Variants in CLSTN1 observed in about 807,000 individuals in gnomAD.
CLSTN1 encodes the protein calsyntenin-1.
Under a neutral mutation model 108.3 loss-of-function variants are expected in CLSTN1, and 28 were observed. The observed-to-expected ratio is 0.26, with a 90% CI of 0.19 to 0.35. The LOEUF (loss-of-function observed/expected upper bound fraction) is 0.35. Ranked by LOEUF, CLSTN1 falls within the 10% of genes least tolerant of loss-of-function variation. The pLI, the probability that CLSTN1 is intolerant of heterozygous loss-of-function variation, is 1.00. For synonymous variants in CLSTN1, 524 were observed against 534.9 expected, an observed-to-expected ratio of 0.98 and a Z score of 0.28; for missense variants, 1,157 against 1,302.6, an observed-to-expected ratio of 0.89 and a Z score of 1.72.
At chr1:9,756,976 C>T (rs1358773637) in intron 2 of CLSTN1, among the ~76,000 whole-genome samples, 1 of 151,716 alleles carries the variant, frequency 6.6e-6, no homozygotes, top group African/African-American at 2.4e-5. Flanking sequence ...GACAGGGTAT[C>T]ACCATGTTAG....
At chr1:9,769,824 C>T (rs1446464167) in intron 2 of CLSTN1, among the ~76,000 whole-genome samples, 4 of 151,926 alleles carry the variant, frequency 2.6e-5, no homozygotes, top group Admixed American at 1.3e-4. Context: ...AGGCAGATCA[C>T]GAGGTCAGGA....
intron 1 of CLSTN1, among the ~76,000 whole-genome samples, chr1:9,803,739 G>A (rs1356223634): frequency 1.3e-5 from 2 of 152,022 alleles, no homozygotes; most frequent in South Asian, 2.1e-4. Flanking sequence ...GGAGGTGAAG[G>A]CTGCAGTGAG....
chr1:9,797,651 A>T (rs984655854), intron 1 of CLSTN1, among the ~76,000 whole-genome samples: 13 of 152,012 alleles, frequency 8.6e-5, no homozygotes, highest in Non-Finnish European at 1.3e-4. Context: ...AAAAGAAGAG[A>T]AGAGAAGGCT....
At position 9,734,588 on chromosome 1, in the gene CLSTN1, A is replaced by G. The variant is rs77951881; in HGVS notation, c.2110+360T>C. On this transcript the variant is annotated intron_variant, in intron 14 of 18. Transcript: ENST00000377298. The surrounding 1 kb of genome is among the most constrained non-coding windows in gnomAD (Gnocchi z 4.8). The stretch of plus-strand genomic sequence containing the variant: ...AGACTCCATCTCAAAAAAAAAAAAA[A>G]AGGGGGGGAGTTTCATGTGTCCTGA... Among the ~76,000 whole-genome samples the G allele has an allele frequency of 2.4e-4, 37 of 151,304 alleles. No homozygotes were observed. Among genetic ancestry groups the G allele is most frequent in the African/African-American group, 7.5e-4 (31 of 41,288 alleles).
chr1:9,812,613 G>A (rs111515093), intron 1 of CLSTN1, among the ~76,000 whole-genome samples: 2,771 of 152,210 alleles, frequency 0.018, 82 homozygotes, highest in African/African-American at 0.063. Context: ...TTGGGAGGCC[G>A]AGGCGGGCAG....
chr1:9,792,429 T>TATA (rs1553181562), intron 1 of CLSTN1, among the ~76,000 whole-genome samples: 1 of 151,454 alleles, frequency 6.6e-6, no homozygotes, highest in Non-Finnish European at 1.5e-5. Flanking sequence ...GCAAAGGCTT[T>TATA]AGCACAATCC....
At chr1:9,788,399 C>G (rs765872902) in intron 1 of CLSTN1, among the ~76,000 whole-genome samples, 2 of 150,728 alleles carry the variant, frequency 1.3e-5, no homozygotes, top group Non-Finnish European at 2.9e-5. Context: ...GGTGAAACCC[C>G]ATCTCTACTA....
In CLSTN1 at chr1:9,815,358, G is replaced by A. The variant is rs1468516853; in HGVS notation, c.91+8285C>T. On this transcript the variant is annotated intron_variant, in intron 1 of 18. Transcript: ENST00000377298. Reference sequence around the variant, plus strand: ...GAGGAAATGTCTGTTTTACAGGGAAGGCTATTTAAAGTATAGAGGAAAGAA... The same window carrying A: ...GAGGAAATGTCTGTTTTACAGGGAAAGCTATTTAAAGTATAGAGGAAAGAA... 2.6e-5 allele frequency among the ~76,000 whole-genome samples: 4 copies of A among 152,162 alleles called. 1 individual carries two copies. The highest frequency in any genetic ancestry group is 4.1e-4 in the South Asian group (2 of 4,824).
At chr1:9,740,244 G>A (rs1391067783) in intron 10 of CLSTN1, among the ~76,000 whole-genome samples, 1 of 151,926 alleles carries the variant, frequency 6.6e-6, no homozygotes, top group Non-Finnish European at 1.5e-5. Context: ...ATATTTAGTA[G>A]AGATGGGGTT....
intron 9 of CLSTN1, among the ~76,000 whole-genome samples, chr1:9,743,229 G>A (rs1050633214): frequency 6.6e-6 from 1 of 152,134 alleles, no homozygotes; most frequent in Admixed American, 6.6e-5. Flanking sequence ...GTAGCACGTG[G>A]GGTTTTTCAC....
At chr1:9,757,314 T>TC (rs1651864287) in intron 2 of CLSTN1, among the ~76,000 whole-genome samples, 1 of 150,414 alleles carries the variant, frequency 6.6e-6, no homozygotes, top group African/African-American at 2.4e-5. Context: ...TGATCTCGGC[T>TC]CACTGCAAGC....
chr1:9,732,598 G>A (rs768953534), intron 16 of CLSTN1, among the ~76,000 whole-genome samples: 3 of 152,222 alleles, frequency 2.0e-5, no homozygotes, highest in Non-Finnish European at 2.9e-5. Context: ...TGAGTTCATG[G>A]TGATATTCCA....
At chr1:9,770,526 C>G (rs916057461) in intron 2 of CLSTN1, among the ~76,000 whole-genome samples, 6 of 152,238 alleles carry the variant, frequency 3.9e-5, no homozygotes, top group African/African-American at 7.2e-5. Context: ...CTCTGCACCC[C>G]CCGACCAGCT....
chr1:9,743,894 T>G lies in CLSTN1; in HGVS notation c.1346A>C (p.Lys449Thr), dbSNP rs759387434. 2 of 1,614,032 alleles carry G rather than the reference T, an allele frequency of 1.2e-6. No homozygotes were observed. The highest frequency in any genetic ancestry group is 3.3e-5 in the Admixed American group (2 of 59,994). ...KKYRPAEFHW[K>T]LNQVCDEEWH... ...TTTCAATTCACTCACCTGATTCAAC[T>G]TCCAGTGGAACTCTGCAGGTCTGTA... Residue 449 changes from lysine to threonine, a missense_variant, in exon 9 of 19, where the codon AAG (lysine) becomes ACG (threonine). By Grantham distance (78) the Lys-to-Thr change is moderately conservative. Coordinates refer to ENST00000377298, the MANE Select transcript of CLSTN1 (RefSeq NM_001009566.3).
chr1:9,781,574 G>C (rs944945862), intron 1 of CLSTN1, among the ~76,000 whole-genome samples: 1 of 151,694 alleles, frequency 6.6e-6, no homozygotes, highest in Non-Finnish European at 1.5e-5. Flanking sequence ...CTCCCAAGTA[G>C]CTGGGATTAC....
At chr1:9,746,354 T>TA in intron 7 of CLSTN1, among the ~76,000 whole-genome samples, 1 of 152,362 alleles carries the variant, frequency 6.6e-6, no homozygotes, top group East Asian at 1.9e-4. Flanking sequence ...ACTAAGCTAT[T>TA]ACTCGGAGCA....
intron 2 of CLSTN1, among the ~76,000 whole-genome samples, chr1:9,770,213 C>T: frequency 6.6e-6 from 1 of 152,194 alleles, no homozygotes; most frequent in South Asian, 2.1e-4. Flanking sequence ...ATTTAAATTG[C>T]TTTTCTATAC....
chr1:9,806,008 G>A (rs1210970068), intron 1 of CLSTN1, among the ~76,000 whole-genome samples: 1 of 151,720 alleles, frequency 6.6e-6, no homozygotes, highest in Non-Finnish European at 1.5e-5. Flanking sequence ...ACCCACATAT[G>A]GCTGAGCACG....
chr1:9,809,009 T>A (rs1654621048), intron 1 of CLSTN1, among the ~76,000 whole-genome samples: 1 of 152,120 alleles, frequency 6.6e-6, no homozygotes, highest in African/African-American at 2.4e-5. Flanking sequence ...AAGGGGCCCA[T>A]GTTTGTTCTC....
Sources: gnomAD v4.1 joint callset for allele counts (sites outside exome capture counted in the v4.1 genomes callset) on GRCh38, gnomAD v4.1.1 for gene constraint, Gnocchi (gnomAD v3.1) non-coding constraint, MANE v1.5 for transcripts, NCBI Gene and HGNC (gene_info 2026-07-23, HGNC 2026-07-21) for gene names.